CYS1: variants seen among roughly 807,000 people sequenced by gnomAD.
CYS1 encodes cystin-1.
A neutral mutation model predicts 9.6 loss-of-function variants in CYS1; 5 were observed. The ratio of observed to expected loss-of-function variants is 0.52; its 90% confidence interval spans 0.27 to 1.10. The LOEUF (loss-of-function observed/expected upper bound fraction) is 1.10, where lower values mean the gene tolerates loss of function less well. Ranked by LOEUF, CYS1 falls within the 50% of genes least tolerant of loss-of-function variation. The pLI is 0.11. For missense variants in CYS1, 221 were observed against 207.9 expected (o/e 1.06, Z -0.39); for synonymous variants, 88 against 95.7 (o/e 0.92, Z 0.47).
rs987250245 is a variant in CYS1, at chr2:10,063,886, C to G, written c.371+2018G>C. On this transcript the variant is annotated intron_variant, in intron 2 of 2. Transcript: ENST00000381813. This position sits in a 1 kb window ranked among gnomAD's most constrained non-coding sequence, Gnocchi z 4.2. ...AGGGGCTGACAGAGCCCTGGGCACT[C>G]CTACGCCTAGGGCAGCACTCAGGGA... is the stretch of plus-strand genomic sequence containing the variant. 2.0e-5 allele frequency among the ~76,000 whole-genome samples: 3 copies of G among 152,192 alleles called. No individual in the cohort carries two copies. The highest frequency in any genetic ancestry group is 4.4e-5 in the Non-Finnish European group (3 of 68,036).
At position 10,064,245 on chromosome 2, in the gene CYS1, A is replaced by T. The variant is rs964452437; in HGVS notation, c.371+1659T>A. On this transcript the variant is annotated intron_variant, in intron 2 of 2. Coordinates refer to ENST00000381813, the MANE Select transcript of CYS1 (RefSeq NM_001037160.3). ...CCTCAAAAAAATAAAAAATAAAATA[A>T]AAATAAATAAATAAATAAGTATACT... Among the ~76,000 whole-genome samples, 12 of 152,262 alleles carry T rather than the reference A, an allele frequency of 7.9e-5. No homozygotes were observed. The South Asian group carries it at 1.2e-3, about 16-fold the overall frequency.
chr2:10,076,097 G>A lies in CYS1; in HGVS notation c.318+3809C>T, dbSNP rs921674344. Among the ~76,000 whole-genome samples, 6 of 152,208 alleles carry A rather than the reference G, an allele frequency of 3.9e-5. No individual in the cohort carries two copies. Among genetic ancestry groups the A allele is most frequent in the East Asian group, 1.9e-4 (1 of 5,202 alleles). ...CCAGCTACTCGGGATGCTGAGACAG[G>A]AGAATTGCTTGAATCCTGGAGGCAG... On this transcript the variant is annotated intron_variant, in intron 1 of 2. Coordinates refer to ENST00000381813, the MANE Select transcript of CYS1 (RefSeq NM_001037160.3). This position sits in a 1 kb window ranked among gnomAD's most constrained non-coding sequence, Gnocchi z 4.3.
At chr2:10,062,249 G>T (rs1202537863) in intron 2 of CYS1, among the ~76,000 whole-genome samples, 1 of 152,076 alleles carries the variant, frequency 6.6e-6, no homozygotes, top group Non-Finnish European at 1.5e-5. Context: ...AAAAGAAAAA[G>T]ACCTTTCCAA....
chr2:10,076,069 G>A lies in CYS1; in HGVS notation c.318+3837C>T, dbSNP rs1661838236. ...CCAGGCGTGGTGGCATGCTCCTATA[G>A]TCCCAGCTACTCGGGATGCTGAGAC... On this transcript the variant is annotated intron_variant, in intron 1 of 2. Coordinates refer to ENST00000381813, the MANE Select transcript of CYS1 (RefSeq NM_001037160.3). This position sits in a 1 kb window ranked among gnomAD's most constrained non-coding sequence, Gnocchi z 4.3. Among the ~76,000 whole-genome samples the A allele has an allele frequency of 6.6e-6, 1 of 152,118 alleles. No homozygotes were observed. Among genetic ancestry groups the A allele is most frequent in the African/African-American group, 2.4e-5 (1 of 41,418 alleles).
intron 1 of CYS1, 27 bp downstream of exon 1, chr2:10,079,879 C>T (rs75088824): frequency 0.049 from 53,638 of 1,098,400 alleles, 2,218 homozygotes; most frequent in East Asian, 0.17. Flanking sequence ...CCGCCGTCCC[C>T]CGAGGCCCTG....
rs1405934641 is a variant in CYS1, at chr2:10,080,082, C to T, written c.142G>A (p.Ala48Thr). 6.8e-6 allele frequency: 7 copies of T among 1,030,002 alleles called. No homozygotes were observed. The African/African-American group carries it at 1.2e-4, about 18-fold the overall frequency. The allele number at this position is 1,030,002 out of a possible 1,614,324, so 63.8% of individuals were successfully genotyped here. ...VPVAAAEVPG[A>T]AAEEAPGRDP... ...CGGCCGGGCGCCTCCTCCGCGGCTG[C>T]CCCCGGGACCTCGGCCGCCGCCACC... The change falls in exon 1 of 3, where the codon GCA (alanine) becomes ACA (threonine). Residue 48 changes from alanine (A) to threonine (T), a missense_variant. Physicochemically the swap from Ala to Thr is moderately conservative, Grantham distance 58. Coordinates refer to ENST00000381813, the MANE Select transcript of CYS1 (RefSeq NM_001037160.3). This position sits in a 1 kb window ranked among gnomAD's most constrained non-coding sequence, Gnocchi z 6.4.
At chr2:10,072,913 C>T (rs1661790656) in intron 1 of CYS1, among the ~76,000 whole-genome samples, 1 of 145,920 alleles carries the variant, frequency 6.9e-6, no homozygotes, top group Non-Finnish European at 1.5e-5. Flanking sequence ...TGCGGGTGGG[C>T]TCTGCGTAGG....
rs555304748 is a variant in CYS1 at position 10,073,567 on chromosome 2, G to A, written c.318+6339C>T. Among the ~76,000 whole-genome samples, 4 of 152,336 alleles carry A rather than the reference G, an allele frequency of 2.6e-5. No individual in the cohort carries two copies. The East Asian group carries it at 7.7e-4, about 29-fold the overall frequency. ...CATATACTATCAAGAAACAGAGCTTGGTGGGAATCGGAATGGGTGGCCTTG... is the reference window on the plus strand; with the variant it reads ...CATATACTATCAAGAAACAGAGCTTAGTGGGAATCGGAATGGGTGGCCTTG... On this transcript the variant is annotated intron_variant, in intron 1 of 2. Coordinates refer to ENST00000381813, the MANE Select transcript of CYS1 (RefSeq NM_001037160.3).
At chr2:10,070,065 T>C (rs543218422) in intron 1 of CYS1, among the ~76,000 whole-genome samples, 155 of 152,298 alleles carry the variant, frequency 1.0e-3, no homozygotes, top group African/African-American at 3.5e-3. Flanking sequence ...GAATTCAAAA[T>C]CAAGGCCAAA....
At chr2:10,066,324 C>T (rs988347930) in intron 1 of CYS1, among the ~76,000 whole-genome samples, 2 of 148,360 alleles carry the variant, frequency 1.3e-5, no homozygotes, top group East Asian at 2.0e-4. Context: ...TGGGACCCAC[C>T]GCCACCTAGC....
Position 10,076,082 on chromosome 2 carries a change from G to A in CYS1, c.318+3824C>T, listed in dbSNP as rs965832858. 2.6e-5 allele frequency among the ~76,000 whole-genome samples: 4 copies of A among 152,100 alleles called. No individual in the cohort carries two copies. Among genetic ancestry groups the A allele is most frequent in the East Asian group, 1.9e-4 (1 of 5,196 alleles). On this transcript the variant is annotated intron_variant, in intron 1 of 2. Coordinates refer to ENST00000381813, the MANE Select transcript of CYS1 (RefSeq NM_001037160.3). The surrounding 1 kb of genome is among the most constrained non-coding windows in gnomAD (Gnocchi z 4.3). Reference sequence around the variant, plus strand: ...CATGCTCCTATAGTCCCAGCTACTCGGGATGCTGAGACAGGAGAATTGCTT... The same window carrying A: ...CATGCTCCTATAGTCCCAGCTACTCAGGATGCTGAGACAGGAGAATTGCTT...
chr2:10,061,589 C>CA (rs1222420759), intron 2 of CYS1, among the ~76,000 whole-genome samples: 2 of 152,246 alleles, frequency 1.3e-5, no homozygotes, highest in African/African-American at 4.8e-5. Flanking sequence ...CCATTCTCCT[C>CA]ACTCGTCCTG....
At chr2:10,064,710 T>TTTTA (rs905760830) in intron 2 of CYS1, among the ~76,000 whole-genome samples, 2 of 151,596 alleles carry the variant, frequency 1.3e-5, no homozygotes, top group Non-Finnish European at 2.9e-5. Flanking sequence ...ATTTTTATAT[T>TTTTA]TTTATTTATT....
intron 2 of CYS1, among the ~76,000 whole-genome samples, chr2:10,064,691 A>G (rs1278996535): frequency 2.6e-5 from 4 of 151,660 alleles, no homozygotes; most frequent in African/African-American, 9.7e-5. Flanking sequence ...ACGTCCTTCA[A>G]GCCATATTAT....
At chr2:10,073,073 TG>T (rs111765581) in intron 1 of CYS1, among the ~76,000 whole-genome samples, 24,365 of 134,368 alleles carry the variant, frequency 0.18, 2,784 homozygotes, top group African/African-American at 0.35. Context: ...GGGCTCTGCA[TG>T]GGGGGGCGGT....
chr2:10,068,151 T>C (rs929655523), intron 1 of CYS1, among the ~76,000 whole-genome samples: 1 of 152,258 alleles, frequency 6.6e-6, no homozygotes, highest in Non-Finnish European at 1.5e-5. Context: ...ATTTTGCTTA[T>C]TATATTTTCC....
chr2:10,069,333 C>G (rs1454574696), intron 1 of CYS1, among the ~76,000 whole-genome samples: 1 of 152,136 alleles, frequency 6.6e-6, no homozygotes, highest in Non-Finnish European at 1.5e-5. Context: ...TCCTATTACC[C>G]TTTCTGGAGG....
At chr2:10,073,222 C>G (rs1018303190) in intron 1 of CYS1, among the ~76,000 whole-genome samples, 4 of 122,590 alleles carry the variant, frequency 3.3e-5, no homozygotes, top group Non-Finnish European at 5.6e-5. Context: ...CCCCCCCCCC[C>G]CCCGGCTGTG....
At chr2:10,077,163 G>A (rs941978230) in intron 1 of CYS1, among the ~76,000 whole-genome samples, 1 of 151,816 alleles carries the variant, frequency 6.6e-6, no homozygotes, top group African/African-American at 2.4e-5. Context: ...ACCACCGCCC[G>A]CCAACCTGGT....
Sources: gnomAD v4.1 joint callset for allele counts (sites outside exome capture counted in the v4.1 genomes callset) on GRCh38, gnomAD v4.1.1 for gene constraint, Gnocchi (gnomAD v3.1) non-coding constraint, MANE v1.5 for transcripts, NCBI Gene and HGNC (gene_info 2026-07-23, HGNC 2026-07-21) for gene names.